PMEL: variants seen among roughly 807,000 people sequenced by gnomAD.
PMEL encodes the protein melanocyte protein PMEL.
A neutral mutation model predicts 64.9 loss-of-function variants in PMEL; 53 were observed. That is an observed-to-expected ratio of 0.82 (90% CI 0.66 to 1.03). The LOEUF (loss-of-function observed/expected upper bound fraction) is 1.03. PMEL is among the 50% of genes least tolerant of loss of function. The pLI is 0.00. For missense variants in PMEL, 716 were observed against 814.9 expected, an observed-to-expected ratio of 0.88 and a Z score of 1.48; for synonymous variants, 299 against 316.2, an observed-to-expected ratio of 0.95 and a Z score of 0.58.
chr12:55,966,696 C>A (rs2069395), upstream of PMEL: 876 of 1,102,376 alleles, frequency 7.9e-4, 9 homozygotes, highest in African/African-American at 0.013. Flanking sequence ...GGATCATTTG[C>A]GGGGAGGAGC....
rs147875589 is a variant in PMEL, at chr12:55,958,869, C to T, written c.335-262G>A. Among the ~76,000 whole-genome samples the T allele has an allele frequency of 8.1e-3, 1,232 of 151,992 alleles. 13 individuals are homozygous for T. Among genetic ancestry groups the T allele is most frequent in the Non-Finnish European group, 0.012 (841 of 67,958 alleles). Reference sequence around the variant, plus strand: ...TGATCACAGCTCACTGGAGTGTCAACCTCCCAGGGTCAAGCAATCCTCCCA... The same window carrying T: ...TGATCACAGCTCACTGGAGTGTCAATCTCCCAGGGTCAAGCAATCCTCCCA... On this transcript the variant is annotated intron_variant, in intron 3 of 10. Coordinates refer to ENST00000548747, the MANE Select transcript of PMEL (RefSeq NM_001384361.1).
chr12:55,957,886 G>T, intron 5 of PMEL, 37 bp downstream of exon 5: 1 of 1,609,614 alleles, frequency 6.2e-7, no homozygotes. Context: ...GCCTTCTCTT[G>T]CCCTACAACT....
intron 4 of PMEL, 150 bp from the exon 5 acceptor site, chr12:55,958,234 G>A: frequency 1.2e-6 from 1 of 863,794 alleles, no homozygotes; most frequent in Non-Finnish European, 1.8e-6. Flanking sequence ...GGGGGACAGG[G>A]AAGGGGTCCT....
At position 55,957,306 on chromosome 12, in the gene PMEL, C is replaced by T. The variant is rs1888921798; in HGVS notation, c.997G>A (p.Val333Met). Residue 333 changes from valine to methionine, a missense_variant, in exon 6 of 11, where the codon GTG becomes ATG. Coordinates refer to ENST00000548747, the MANE Select transcript of PMEL (RefSeq NM_001384361.1). ...GGCGCCTGACCAGGTGTAGTACCCA[C>T]AACTTCTGTAGTAGGCACTTGGCCA... ...TAGQVPTTEV[V>M]GTTPGQAPTA... 1 of 1,607,984 alleles carries T rather than the reference C, an allele frequency of 6.2e-7. No homozygotes were observed. The highest frequency in any genetic ancestry group is 1.3e-5 in the African/African-American group (1 of 74,678).
In PMEL at chr12:55,963,101, G is replaced by C. The variant is rs182997287; in HGVS notation, c.77-1369C>G. ...GAACCCAGGAGGCGGAGGTGGCAGT[G>C]AGCCGAGATCACACCACTGCACTCC... On this transcript the variant is annotated intron_variant, in intron 1 of 10. Transcript: ENST00000548747. 3.9e-3 allele frequency among the ~76,000 whole-genome samples: 578 copies of C among 150,102 alleles called. 2 individuals carry two copies. The highest frequency in any genetic ancestry group is 6.4e-3 in the Non-Finnish European group (432 of 67,484).
At chr12:55,960,870 C>T (rs1889076421) in intron 3 of PMEL, among the ~76,000 whole-genome samples, 1 of 148,586 alleles carries the variant, frequency 6.7e-6, no homozygotes, top group African/African-American at 2.5e-5. Flanking sequence ...TAAATTTTAA[C>T]TACAATGAGT....
rs1888933762 is a variant in PMEL, at chr12:55,957,494, A to G, written c.809T>C (p.Ile270Thr). ...ATGAGTGACCACAAGTGCCCGAGAG[A>G]TCAGGGTTCCACTACTGTCTCCAAA... The part of the protein sequence containing the change: ...WDFGDSSGTL[I>T]SRALVVTHTY... The change falls in exon 6 of 11, where the codon ATC becomes ACC. Residue 270 changes from isoleucine to threonine, a missense_variant. Transcript: ENST00000548747. The G allele has an allele frequency of 5.6e-6, 9 of 1,613,772 alleles. No homozygotes were observed. The South Asian group carries it at 7.7e-5, about 14-fold the overall frequency.
upstream of PMEL, chr12:55,966,132 C>T: frequency 3.3e-6 from 5 of 1,507,996 alleles, no homozygotes; most frequent in Non-Finnish European, 3.6e-6. Context: ...TGGGAGGGGC[C>T]GGAGGAGAGG....
chr12:55,958,446 T>A (rs751650737), intron 4 of PMEL, 27 bp downstream of exon 4: 2 of 1,609,648 alleles, frequency 1.2e-6, no homozygotes, highest in Non-Finnish European at 1.7e-6. Context: ...CAAGTGTGGA[T>A]GATAGGCTGA....
Position 55,957,506 on chromosome 12 carries a change from C to G in PMEL, c.797G>C (p.Ser266Thr). 6.2e-7 allele frequency: 1 copy of G among 1,614,010 alleles called. No homozygotes were observed. The highest frequency in any genetic ancestry group is 1.1e-5 in the South Asian group (1 of 91,060). ...LSYTWDFGDS[S>T]GTLISRALVV... Reference sequence around the variant, plus strand: ...AAGTGCCCGAGAGATCAGGGTTCCACTACTGTCTCCAAAGTCCCAGGTGTA... The same window carrying G: ...AAGTGCCCGAGAGATCAGGGTTCCAGTACTGTCTCCAAAGTCCCAGGTGTA... The change falls in exon 6 of 11, where the codon AGT (serine) becomes ACT (threonine). Residue 266 changes from serine (S) to threonine (T), a missense_variant. Ser to Thr is a moderately conservative substitution (Grantham distance 58). Transcript: ENST00000548747.
intron 10 of PMEL, 105 bp downstream of exon 10, chr12:55,955,169 C>T: frequency 1.1e-6 from 1 of 884,226 alleles, no homozygotes; most frequent in Non-Finnish European, 1.9e-6. Flanking sequence ...CTTTCCTGGA[C>T]ACCATGCTTC....
chr12:55,957,469 A>G lies in PMEL; in HGVS notation c.834T>C (p.His278=). 6.2e-7 allele frequency: 1 copy of G among 1,613,992 alleles called. No individual in the cohort carries two copies. The highest frequency in any genetic ancestry group is 2.2e-5 in the East Asian group (1 of 44,860). The change falls in exon 6 of 11, where the codon CAT becomes CAC. Residue 278 remains histidine (H), a synonymous_variant. Coordinates refer to ENST00000548747, the MANE Select transcript of PMEL (RefSeq NM_001384361.1). ...TLISRALVVT[H]TYLEPGPVTA... Reference sequence around the variant, plus strand: ...TGACTGGGCCAGGCTCCAGGTAAGTATGAGTGACCACAAGTGCCCGAGAGA... The same window carrying G: ...TGACTGGGCCAGGCTCCAGGTAAGTGTGAGTGACCACAAGTGCCCGAGAGA...
At chr12:55,956,292 T>C (rs901275987) in intron 6 of PMEL, 73 bp from the exon 7 acceptor site, 31 of 919,160 alleles carry the variant, frequency 3.4e-5, no homozygotes, top group Non-Finnish European at 5.3e-5. Flanking sequence ...CAAGCAGGCA[T>C]TTTTTCAGGT....
upstream of PMEL, chr12:55,966,368 C>T (rs898533601): frequency 2.6e-5 from 7 of 264,896 alleles, no homozygotes; most frequent in Non-Finnish European, 5.1e-5. Context: ...AACCCTGCAT[C>T]CCAAAACAGA....
chr12:55,955,798 T>C lies in PMEL; in HGVS notation c.1537A>G (p.Thr513Ala), dbSNP rs767623620. ...ACTCACCCGCCTTGGCAGGACACAG[T>C]CAGCTCAAATGCATCCCCCTCACCG... The part of the protein sequence containing the change: ...PSGEGDAFEL[T>A]VSCQGGLPKE... Residue 513 changes from threonine (T) to alanine (A), a missense_variant, in exon 8 of 11, where the codon ACT becomes GCT. By Grantham distance (58) the Thr-to-Ala change is moderately conservative. Transcript: ENST00000548747. 1 of 1,613,904 alleles carries C rather than the reference T, an allele frequency of 6.2e-7. No homozygotes were observed. Among genetic ancestry groups the C allele is most frequent in the South Asian group, 1.1e-5 (1 of 91,080 alleles).
chr12:55,960,535 C>CTTTTTTT (rs1889060584), intron 3 of PMEL, among the ~76,000 whole-genome samples: 2 of 122,932 alleles, frequency 1.6e-5, no homozygotes, highest in African/African-American at 7.2e-5. Flanking sequence ...TTTTTGCTTT[C>CTTTTTTT]TGTTTTTTTT....
At chr12:55,955,965 G>T (rs1402624680) in intron 7 of PMEL, 102 bp from the exon 8 acceptor site, 16 of 1,179,798 alleles carry the variant, frequency 1.4e-5, no homozygotes, top group Non-Finnish European at 1.9e-5. Flanking sequence ...TCCCATCCCT[G>T]TGCTTTCAAA....
Position 55,957,042 on chromosome 12 carries a change from T to C in PMEL, c.1261A>G (p.Thr421Ala). 1 of 1,614,232 alleles carries C rather than the reference T, an allele frequency of 6.2e-7. No individual in the cohort carries two copies. The highest frequency in any genetic ancestry group is 8.5e-7 in the Non-Finnish European group (1 of 1,180,030). ...SGTTAAQVTT[T>A]EWVETTAREL... ...CTAGCTGTGGTCTCCACCCACTCTGTAGTTGTTACCTGTGCAGCTGTGGTT... is the reference window on the plus strand; with the variant it reads ...CTAGCTGTGGTCTCCACCCACTCTGCAGTTGTTACCTGTGCAGCTGTGGTT... The change falls in exon 6 of 11, where the codon ACA becomes GCA. Residue 421 changes from threonine (T) to alanine (A), a missense_variant. Transcript: ENST00000548747.
intron 7 of PMEL, 37 bp from the exon 8 acceptor site, chr12:55,955,900 T>C (rs759052075): frequency 6.4e-7 from 1 of 1,562,444 alleles, no homozygotes; most frequent in Non-Finnish European, 8.8e-7. Context: ...AGGATTCCTC[T>C]ACCTGGCCTC....
Sources: gnomAD v4.1 joint callset for allele counts (sites outside exome capture counted in the v4.1 genomes callset) on GRCh38, gnomAD v4.1.1 for gene constraint, MANE v1.5 for transcripts, NCBI Gene and HGNC (gene_info 2026-07-23, HGNC 2026-07-21) for gene names.